The following MAF1 variants were observed in gnomAD, a reference collection of about 807,000 sequenced individuals.
MAF1 encodes MAF1 negative regulator of RNA polymerase III.
Under a neutral mutation model 31.9 loss-of-function variants are expected in MAF1, and 7 were observed. The observed-to-expected ratio is 0.22, with a 90% CI of 0.12 to 0.41. MAF1 has a LOEUF of 0.41. Ranked by LOEUF, MAF1 falls within the 10% of genes least tolerant of loss-of-function variation. MAF1 has a pLI of 1.00. For synonymous variants in MAF1, 157 were observed against 120.0 expected (o/e 1.31, Z -2.02); for missense variants, 221 against 323.1 (o/e 0.68, Z 2.42).
At position 144,106,390 on chromosome 8, in the gene MAF1, C is replaced by T; in HGVS notation, c.426C>T (p.Asp142=). 1.2e-6 allele frequency: 2 copies of T among 1,614,004 alleles called. No homozygotes were observed. Among genetic ancestry groups the T allele is most frequent in the Non-Finnish European group, 1.7e-6 (2 of 1,180,038 alleles). Residue 142 remains aspartate, a synonymous_variant, in exon 5 of 8, where the codon GAC becomes GAT. Transcript: ENST00000322428. ...NCSLFSAVRE[D]FKDLKPQLWN... is the part of the protein sequence containing the mutation. Reference sequence around the variant, plus strand: ...GTCTGTTCTCAGCTGTGCGGGAGGACTTCAAGGATCTGAAACCACAGCTGT... The same window carrying T: ...GTCTGTTCTCAGCTGTGCGGGAGGATTTCAAGGATCTGAAACCACAGCTGT...
rs773723143 is a variant in MAF1 at position 144,105,849 on chromosome 8, G to C, written c.84-20G>C. ...GAACCTGGGGGAAGCATGCTTCATGGTTCTCTCTGCATCCTATAGGATTGA... is the reference window on the plus strand; with the variant it reads ...GAACCTGGGGGAAGCATGCTTCATGCTTCTCTCTGCATCCTATAGGATTGA... On this transcript the variant is annotated intron_variant, in intron 2 of 7. Coordinates refer to ENST00000322428, the MANE Select transcript of MAF1 (RefSeq NM_032272.5). 39 of 1,612,816 alleles carry C rather than the reference G, an allele frequency of 2.4e-5. No homozygotes were observed. The South Asian group carries it at 3.7e-4, about 15-fold the overall frequency.
chr8:144,105,230 A>T (rs1309745977), intron 1 of MAF1: 1 of 164,632 alleles, frequency 6.1e-6, no homozygotes, highest in Non-Finnish European at 1.3e-5. Context: ...GAGCCCAGCC[A>T]GCCTGAGGGA....
At chr8:144,105,423 G>A in intron 1 of MAF1, 1 of 536,988 alleles carries the variant, frequency 1.9e-6, no homozygotes, top group Non-Finnish European at 3.4e-6. Flanking sequence ...TTCTGCAGGG[G>A]GTATGGCTGA....
Position 144,105,643 on chromosome 8 carries a change from A to G in MAF1, c.-41A>G, listed in dbSNP as rs368088636. On this transcript the variant is annotated 5_prime_UTR_variant, in exon 2 of 8. Coordinates refer to ENST00000322428, the MANE Select transcript of MAF1 (RefSeq NM_032272.5). ...GGTCTGGTCTCTCACTCCCCAGGCA[A>G]TACTAGCCCCTCTGGAGCACGGAGC... The G allele has an allele frequency of 1.4e-4, 226 of 1,577,842 alleles. No homozygotes were observed. The highest frequency in any genetic ancestry group is 1.9e-4 in the Non-Finnish European group (217 of 1,148,128).
At chr8:144,106,695 C>T (rs745430337) in intron 6 of MAF1, 21 bp downstream of exon 6, 4 of 1,607,202 alleles carry the variant, frequency 2.5e-6, no homozygotes, top group Non-Finnish European at 3.4e-6. Context: ...CCCGCCTCCT[C>T]CCCCACCTCC....
rs546802723 is a variant in MAF1 at position 144,105,651 on chromosome 8, C to T, written c.-33C>T. 64 of 1,593,524 alleles carry T rather than the reference C, an allele frequency of 4.0e-5. No homozygotes were observed. Among genetic ancestry groups the T allele is most frequent in the Admixed American group, 2.0e-4 (12 of 60,006 alleles). The stretch of plus-strand genomic sequence containing the variant: ...CTCTCACTCCCCAGGCAATACTAGC[C>T]CCTCTGGAGCACGGAGCTCCTTCCC... On this transcript the variant is annotated 5_prime_UTR_variant, in exon 2 of 8. Transcript: ENST00000322428.
rs896605515 is a variant in MAF1, at chr8:144,106,422, C to T, written c.458C>T (p.Ala153Val). ...GATCTGAAACCACAGCTGTGGAACGCGGTGGACGAGGAGATCTGCCTGGCT... is the reference window on the plus strand; with the variant it reads ...GATCTGAAACCACAGCTGTGGAACGTGGTGGACGAGGAGATCTGCCTGGCT... ...FKDLKPQLWN[A>V]VDEEICLAEC... The change falls in exon 5 of 8, where the codon GCG becomes GTG. Residue 153 changes from alanine to valine, a missense_variant. Transcript: ENST00000322428. 10 of 1,613,950 alleles carry T rather than the reference C, an allele frequency of 6.2e-6. No individual in the cohort carries two copies. Among genetic ancestry groups the T allele is most frequent in the South Asian group, 1.1e-5 (1 of 91,080 alleles).
rs751176221 is a variant in MAF1 at position 144,106,315 on chromosome 8, C to T, written c.379-28C>T. The T allele has an allele frequency of 4.3e-6, 7 of 1,612,726 alleles. No homozygotes were observed. The East Asian group carries it at 6.7e-5, about 15-fold the overall frequency. On this transcript the variant is annotated intron_variant, in intron 4 of 7. Transcript: ENST00000322428. The stretch of plus-strand genomic sequence containing the variant: ...CCCCACTTTGGGTAGCCCTGGGCTC[C>T]TGTCACCCTGACTGTGACCTGCCCT...
In MAF1 at chr8:144,106,358, A is replaced by G; in HGVS notation, c.394A>G (p.Asn132Asp). The change falls in exon 5 of 8, where the codon AAC (asparagine) becomes GAC (aspartate). Residue 132 changes from asparagine to aspartate, a missense_variant. By Grantham distance (23) the Asn-to-Asp change is conservative. Transcript: ENST00000322428. ...CCTGCCCTAGGTGGTGAATGCAGTCAACTGCAGTCTGTTCTCAGCTGTGCG... is the reference window on the plus strand; with the variant it reads ...CCTGCCCTAGGTGGTGAATGCAGTCGACTGCAGTCTGTTCTCAGCTGTGCG... ...PSLSWVVNAV[N>D]CSLFSAVRED... 1 of 1,613,890 alleles carries G rather than the reference A, an allele frequency of 6.2e-7. No individual in the cohort carries two copies. Among genetic ancestry groups the G allele is most frequent in the Non-Finnish European group, 8.5e-7 (1 of 1,180,000 alleles).
Position 144,107,589 on chromosome 8 carries a change from C to A in MAF1, c.*480C>A. The stretch of plus-strand genomic sequence containing the variant: ...TCACTTTGCTGCAGCTCGTTTCTTT[C>A]CAATAAAAGTTTCTGTGACTTAGTG... On this transcript the variant is annotated 3_prime_UTR_variant, in exon 8 of 8. Transcript: ENST00000322428. 3 of 568,994 alleles carry A rather than the reference C, an allele frequency of 5.3e-6. No individual in the cohort carries two copies. Among genetic ancestry groups the A allele is most frequent in the Non-Finnish European group, 9.8e-6 (3 of 306,376 alleles). 35.2% of individuals were successfully genotyped at this position (568,994 alleles called of 1,614,324 possible). A position where few individuals can be genotyped will look rare whatever the true frequency, so the allele number is the denominator to read the frequency against.
In MAF1 at chr8:144,106,950, A is replaced by G. The variant is rs771097973; in HGVS notation, c.736A>G (p.Met246Val). ...GGSGAEETST[M>V]EEDRVPVICI ...CAGTGGGGCCGAGGAGACCAGCACC[A>G]TGGAGGAGGACAGGTGTGTGATGGG... The change falls in exon 7 of 8, where the codon ATG (methionine) becomes GTG (valine). Residue 246 changes from methionine (M) to valine (V), a missense_variant. Physicochemically the swap from Met to Val is conservative, Grantham distance 21. This residue lies in a region of MAF1 where 75 missense variants were observed against 60.1 expected (regional missense o/e 1.25). Coordinates refer to ENST00000322428, the MANE Select transcript of MAF1 (RefSeq NM_032272.5). 3.9e-5 allele frequency: 60 copies of G among 1,523,690 alleles called. No homozygotes were observed. Among genetic ancestry groups the G allele is most frequent in the Non-Finnish European group, 5.1e-5 (58 of 1,134,488 alleles). 94.4% of individuals were successfully genotyped at this position (1,523,690 alleles called of 1,614,324 possible).
At chr8:144,107,065 A>G in intron 7 of MAF1, 23 bp from the exon 8 acceptor site, 1 of 1,573,296 alleles carries the variant, frequency 6.4e-7, no homozygotes, top group South Asian at 1.2e-5. Context: ...CTGAAGGCCC[A>G]CTGTGTGCCA....
Position 144,105,920 on chromosome 8 carries a change from G to C in MAF1, c.135G>C (p.Lys45Asn). 6.2e-7 allele frequency: 1 copy of C among 1,613,130 alleles called. No individual in the cohort carries two copies. Among genetic ancestry groups the C allele is most frequent in the Non-Finnish European group, 8.5e-7 (1 of 1,180,020 alleles). ...CAGGAGACGACAAACACATGTTCAA[G>C]CAGTTCTGCCAGGAGGGCCAGCCCC... ...KMAGDDKHMFKQFCQEGQPHV... is the reference protein window; with the variant it reads ...KMAGDDKHMFNQFCQEGQPHV... Residue 45 changes from lysine (K) to asparagine (N), a missense_variant, in exon 3 of 8, where the codon AAG becomes AAC. By Grantham distance (94) the Lys-to-Asn change is moderately conservative (BLOSUM62 0). Around this residue, in one of 2 missense-constraint regions of MAF1, gnomAD observed 146 missense variants for 263.1 expected, o/e 0.56. Coordinates refer to ENST00000322428, the MANE Select transcript of MAF1 (RefSeq NM_032272.5).
At position 144,105,760 on chromosome 8, in the gene MAF1, T is replaced by C; in HGVS notation, c.77T>C (p.Ile26Thr). The change falls in exon 2 of 8, where the codon ATT becomes ACT. Residue 26 changes from isoleucine (I) to threonine (T), a missense_variant. Around this residue, in one of 2 missense-constraint regions of MAF1, gnomAD observed 146 missense variants for 263.1 expected, o/e 0.56. Transcript: ENST00000322428. Reference protein sequence around the residue: ...LTVETGDAHIIGRIESYSCKM... With the variant: ...LTVETGDAHITGRIESYSCKM... Reference sequence around the variant, plus strand: ...GTGGAGACTGGAGATGCCCACATCATTGGCAGGTGAGGCAGGCTGGGGGGG... The same window carrying C: ...GTGGAGACTGGAGATGCCCACATCACTGGCAGGTGAGGCAGGCTGGGGGGG... 1 of 1,612,818 alleles carries C rather than the reference T, an allele frequency of 6.2e-7. No individual in the cohort carries two copies. Among genetic ancestry groups the C allele is most frequent in the South Asian group, 1.1e-5 (1 of 91,072 alleles).
At chr8:144,106,531 C>T (rs1836417133) in intron 5 of MAF1, 24 bp from the exon 6 acceptor site, 6 of 1,613,918 alleles carry the variant, frequency 3.7e-6, no homozygotes, top group Non-Finnish European at 5.1e-6. Flanking sequence ...CGCCTCACAC[C>T]ACCTGTCACC....
Position 144,106,468 on chromosome 8 carries a change from G to A in MAF1, c.500+4G>A. ...TGGCTGAATGTGACATCTACAGGTG[G>A]GCCGGCATCCCTGCAGATGGCCTCC... On this transcript the variant is annotated splice_donor_region_variant and intron_variant, in intron 5 of 7. Coordinates refer to ENST00000322428, the MANE Select transcript of MAF1 (RefSeq NM_032272.5). 1 of 1,613,910 alleles carries A rather than the reference G, an allele frequency of 6.2e-7. No individual in the cohort carries two copies. Among genetic ancestry groups the A allele is most frequent in the Non-Finnish European group, 8.5e-7 (1 of 1,180,024 alleles).
Position 144,107,543 on chromosome 8 carries a change from T to G in MAF1, c.*434T>G. The G allele has an allele frequency of 1.7e-6, 1 of 604,510 alleles. No individual in the cohort carries two copies. 37.4% of individuals were successfully genotyped at this position (604,510 alleles called of 1,614,324 possible). A position where few individuals can be genotyped will look rare whatever the true frequency, so the allele number is the denominator to read the frequency against. On this transcript the variant is annotated 3_prime_UTR_variant, in exon 8 of 8. Transcript: ENST00000322428. The stretch of plus-strand genomic sequence containing the variant: ...CCCACCTGTACCCCCACCTCGCCCA[T>G]TTGGCCGCGTGCACTGAGTGTCACT...
Position 144,104,642 on chromosome 8 carries a change from C to G in MAF1, c.-261C>G, listed in dbSNP as rs1179174529. On this transcript the variant is annotated 5_prime_UTR_variant, in exon 1 of 8. Transcript: ENST00000322428. Reference sequence around the variant, plus strand: ...GCGAGGCTATGTCGCGGTGGCAGCCCGGATGGGCCGGCAGGGCCGGGAGTA... The same window carrying G: ...GCGAGGCTATGTCGCGGTGGCAGCCGGGATGGGCCGGCAGGGCCGGGAGTA... 1 of 152,216 alleles carries G rather than the reference C, an allele frequency of 6.6e-6. No homozygotes were observed. The highest frequency in any genetic ancestry group is 1.5e-5 in the Non-Finnish European group (1 of 68,072). 9.4% of individuals were successfully genotyped at this position (152,216 alleles called of 1,614,324 possible).
In MAF1 at chr8:144,104,869, G is replaced by C. The variant is rs1408549459; in HGVS notation, c.-45+11G>C. The C allele has an allele frequency of 6.6e-6, 1 of 152,214 alleles. No homozygotes were observed. Among genetic ancestry groups the C allele is most frequent in the East Asian group, 1.9e-4 (1 of 5,184 alleles). The allele number at this position is 152,214 out of a possible 1,614,324, so 9.4% of individuals were successfully genotyped here. On this transcript the variant is annotated intron_variant, in intron 1 of 7. Transcript: ENST00000322428. Reference sequence around the variant, plus strand: ...AACCCAGCCAGGCAGGTGGGTGTCCGCCCTGCGTCCCGCGCCGTCTGCGTA... The same window carrying C: ...AACCCAGCCAGGCAGGTGGGTGTCCCCCCTGCGTCCCGCGCCGTCTGCGTA...
Sources: gnomAD v4.1 joint callset for allele counts on GRCh38, gnomAD v4.1.1 for gene constraint, gnomAD v4.1.1 regional missense constraint, MANE v1.5 for transcripts, NCBI Gene and HGNC (gene_info 2026-07-23, HGNC 2026-07-21) for gene names.